The following PDE1C variants were observed in gnomAD, a reference collection of about 807,000 sequenced individuals.
PDE1C encodes phosphodiesterase 1C.
A neutral mutation model predicts 93.1 loss-of-function variants in PDE1C; 62 were observed. The ratio of observed to expected loss-of-function variants is 0.67; its 90% CI spans 0.54 to 0.82. The LOEUF (loss-of-function observed/expected upper bound fraction) is 0.82, where lower values mean the gene tolerates loss of function less well. Among genes scored for constraint, PDE1C ranks in the 40% least tolerant of loss-of-function variants. The pLI, the probability that PDE1C is intolerant of heterozygous loss-of-function variation, is 0.00. For missense variants in PDE1C, 742 were observed against 884.6 expected, an observed-to-expected ratio of 0.84 and a Z score of 2.04; for synonymous variants, 325 against 310.1, an observed-to-expected ratio of 1.05 and a Z score of -0.50.
intron 9 of PDE1C, among the ~76,000 whole-genome samples, chr7:31,845,836 C>CA (rs1354425659): frequency 2.6e-5 from 4 of 151,738 alleles, no homozygotes; most frequent in Non-Finnish European, 4.4e-5. Context: ...ATTAAAAATA[C>CA]AAAAAAATTA....
chr7:32,073,704 A>T (rs146982354), upstream of PDE1C, among the ~76,000 whole-genome samples: 94 of 152,328 alleles, frequency 6.2e-4, no homozygotes, highest in Middle Eastern at 3.4e-3. Flanking sequence ...TAGATGCACC[A>T]TGTTACTACG....
chr7:31,897,311 G>A (rs112436307), intron 2 of PDE1C, among the ~76,000 whole-genome samples: 4,735 of 152,226 alleles, frequency 0.031, 233 homozygotes, highest in African/African-American at 0.11. Flanking sequence ...TTTTTGTCAC[G>A]CAAGGAAAGT....
chr7:32,100,519 C>A (rs532427056), intron 3 of PDE1C, among the ~76,000 whole-genome samples: 5 of 152,244 alleles, frequency 3.3e-5, no homozygotes, highest in African/African-American at 1.2e-4. Context: ...TTCAGAAAGC[C>A]ATGTAATTAC....
intron 2 of PDE1C, among the ~76,000 whole-genome samples, chr7:31,936,302 G>A (rs1805059954): frequency 6.6e-6 from 1 of 152,054 alleles, no homozygotes; most frequent in Admixed American, 6.6e-5. Context: ...CACCCAAACT[G>A]CATTGATGCT....
At chr7:31,905,810 AGGAGGTAATCGAATCATGTG>A (rs1167610804) in intron 2 of PDE1C, among the ~76,000 whole-genome samples, 2 of 152,132 alleles carry the variant, frequency 1.3e-5, no homozygotes, top group Admixed American at 6.5e-5. Context: ...GGAACCTGGT[AGGAGGTAATCGAATCATGTG>A]GGTGGTTACC....
At chr7:32,163,798 G>T (rs745841651) in intron 3 of PDE1C, among the ~76,000 whole-genome samples, 6 of 152,138 alleles carry the variant, frequency 3.9e-5, no homozygotes, top group Admixed American at 2.6e-4. Context: ...CATCCATAGG[G>T]CTCATATTCC....
At chr7:32,406,438 G>A (rs423063) in intron 1 of PDE1C, among the ~76,000 whole-genome samples, 125,823 of 151,586 alleles carry the variant, frequency 0.83, 55,401 homozygotes, top group East Asian at 0.99. Context: ...TCTAGTATAC[G>A]AGGGAGGAAA....
intron 2 of PDE1C, among the ~76,000 whole-genome samples, chr7:32,184,450 C>T (rs2128815100): frequency 6.6e-6 from 1 of 152,290 alleles, no homozygotes; most frequent in East Asian, 1.9e-4. Flanking sequence ...CACATATACA[C>T]CATGGAATAC....
intron 3 of PDE1C, among the ~76,000 whole-genome samples, chr7:32,144,834 C>T (rs1165587171): frequency 3.9e-5 from 6 of 152,134 alleles, no homozygotes; most frequent in Non-Finnish European, 8.8e-5. Flanking sequence ...TGATGAACAC[C>T]ACCATCTGCA....
chr7:32,307,010 C>G (rs1167679141), intron 1 of PDE1C, among the ~76,000 whole-genome samples: 1 of 152,220 alleles, frequency 6.6e-6, no homozygotes, highest in Non-Finnish European at 1.5e-5. Flanking sequence ...TTGACATGCT[C>G]TATCAACTCT....
intron 1 of PDE1C, among the ~76,000 whole-genome samples, chr7:32,063,160 T>A (rs2128713663): frequency 6.6e-6 from 1 of 152,354 alleles, no homozygotes; most frequent in African/African-American, 2.4e-5. Context: ...AGTGGGAAAC[T>A]CCGATGATGG....
chr7:31,949,748 T>C (rs935967157), intron 2 of PDE1C, among the ~76,000 whole-genome samples: 4 of 152,176 alleles, frequency 2.6e-5, no homozygotes, highest in Non-Finnish European at 4.4e-5. Context: ...TTTTTATTTA[T>C]GAGTTTGACT....
chr7:32,106,388 A>C (rs142280692), intron 3 of PDE1C, among the ~76,000 whole-genome samples: 2 of 152,306 alleles, frequency 1.3e-5, no homozygotes, highest in African/African-American at 4.8e-5. Flanking sequence ...ATGAGCAGTC[A>C]GGAAACGCCA....
chr7:31,880,190 A>G (rs796293847), intron 3 of PDE1C, among the ~76,000 whole-genome samples: 11 of 152,368 alleles, frequency 7.2e-5, no homozygotes, highest in African/African-American at 2.6e-4. Context: ...TTTTCAAAAG[A>G]AATGCAATTT....
At chr7:32,098,665 G>C (rs1797895737) in intron 3 of PDE1C, among the ~76,000 whole-genome samples, 1 of 152,158 alleles carries the variant, frequency 6.6e-6, no homozygotes, top group Non-Finnish European at 1.5e-5. Flanking sequence ...GCTGAACAAA[G>C]TTTTTGTTTT....
intron 2 of PDE1C, among the ~76,000 whole-genome samples, chr7:31,914,330 AAC>A (rs1262085109): frequency 1.5e-4 from 23 of 152,246 alleles, no homozygotes; most frequent in African/African-American, 5.5e-4. Context: ...GTATAAAATT[AAC>A]AGACTGGAAG....
intron 16 of PDE1C, among the ~76,000 whole-genome samples, chr7:31,801,335 T>G (rs75860783): frequency 0.076 from 11,535 of 151,368 alleles, 458 homozygotes; most frequent in South Asian, 0.13. Context: ...AATACAAACA[T>G]CCTTTCAATT....
intron 3 of PDE1C, among the ~76,000 whole-genome samples, chr7:32,125,490 T>C (rs989141261): frequency 2.0e-5 from 3 of 152,202 alleles, no homozygotes; most frequent in Non-Finnish European, 4.4e-5. Flanking sequence ...AATGATAGAC[T>C]GGATAAAGAA....
At chr7:32,022,921 A>G (rs1201756050) in intron 2 of PDE1C, among the ~76,000 whole-genome samples, 3 of 151,980 alleles carry the variant, frequency 2.0e-5, no homozygotes, top group Admixed American at 2.0e-4. Context: ...TACCAACACA[A>G]TAATCCATCC....
Sources: allele counts gnomAD v4.1 joint callset (sites outside exome capture counted in the v4.1 genomes callset), GRCh38; gene constraint gnomAD v4.1.1; transcripts MANE v1.5; gene names NCBI Gene and HGNC (gene_info 2026-07-23, HGNC 2026-07-21).